Variants in TBC1D14 observed in about 807,000 individuals in gnomAD.
The protein encoded by TBC1D14 is TBC1 domain family, member 14.
TBC1D14 carries 26 observed loss-of-function variants against 79.0 expected under a neutral mutation model. The ratio of observed to expected loss-of-function variants is 0.33; its 90% CI spans 0.24 to 0.46. TBC1D14 has a LOEUF of 0.46. Ranked by LOEUF, TBC1D14 falls within the 20% of genes least tolerant of loss-of-function variation. The pLI, the probability that TBC1D14 is intolerant of heterozygous loss-of-function variation, is 1.00. For synonymous variants in TBC1D14, 394 were observed against 349.9 expected (o/e 1.13, Z -1.40); for missense variants, 769 against 887.6 (o/e 0.87, Z 1.70).
chr4:6,933,265 T>TC (rs1251689293), intron 2 of TBC1D14, among the ~76,000 whole-genome samples: 32 of 2,654 alleles, frequency 0.012, 1 homozygote, highest in Non-Finnish European at 0.018. Context: ...TCCCCTCCCC[T>TC]CCCTTCCCCT....
chr4:6,962,411 C>T (rs939968761), intron 2 of TBC1D14, among the ~76,000 whole-genome samples: 8 of 152,070 alleles, frequency 5.3e-5, no homozygotes, highest in South Asian at 2.1e-4. Context: ...GGTGGGGTTG[C>T]GGCAGCTGCA....
intron 11 of TBC1D14, among the ~76,000 whole-genome samples, chr4:7,014,130 A>G (rs971150641): frequency 2.0e-5 from 3 of 152,210 alleles, no homozygotes; most frequent in Admixed American, 6.5e-5. Flanking sequence ...GCAGCGGGAC[A>G]GGCACAAATT....
At chr4:6,982,172 G>A (rs2109101077) in intron 3 of TBC1D14, among the ~76,000 whole-genome samples, 1 of 152,286 alleles carries the variant, frequency 6.6e-6, no homozygotes, top group African/African-American at 2.4e-5. Flanking sequence ...ACAAAAATCT[G>A]TACATGTTTA....
chr4:7,014,788 T>C (rs1193688709), intron 12 of TBC1D14, among the ~76,000 whole-genome samples: 1 of 152,264 alleles, frequency 6.6e-6, no homozygotes, highest in African/African-American at 2.4e-5. Context: ...TCCAAAGTGC[T>C]GTCCATTCCT....
intron 1 of TBC1D14, among the ~76,000 whole-genome samples, chr4:6,911,753 C>G (rs183362027): frequency 2.0e-5 from 3 of 152,332 alleles, no homozygotes; most frequent in Admixed American, 2.0e-4. Flanking sequence ...CTAGTCAGAG[C>G]AGCTTGTTTG....
At chr4:7,029,589 G>A (rs943208370) in intron 13 of TBC1D14, among the ~76,000 whole-genome samples, 6 of 152,218 alleles carry the variant, frequency 3.9e-5, no homozygotes, top group Admixed American at 6.5e-5. Context: ...CACTTTGGGA[G>A]GCCAAGGCGG....
chr4:6,979,216 AAAC>A (rs1717133744), intron 3 of TBC1D14, among the ~76,000 whole-genome samples: 3 of 152,190 alleles, frequency 2.0e-5, no homozygotes. Flanking sequence ...AAAAAAGAGA[AAAC>A]AAATGAGATG....
intron 2 of TBC1D14, among the ~76,000 whole-genome samples, chr4:6,956,940 A>G (rs945918648): frequency 6.6e-6 from 1 of 152,210 alleles, no homozygotes; most frequent in African/African-American, 2.4e-5. Context: ...GCTTCCGGCT[A>G]CTTGGTTGTC....
intron 3 of TBC1D14, among the ~76,000 whole-genome samples, chr4:6,975,814 T>C (rs1489960815): frequency 6.6e-6 from 1 of 151,936 alleles, no homozygotes; most frequent in East Asian, 1.9e-4. Context: ...CAATCCAGGC[T>C]GGGAGTGGTG....
chr4:7,017,860 T>C (rs756245254), intron 12 of TBC1D14, among the ~76,000 whole-genome samples: 9 of 152,184 alleles, frequency 5.9e-5, no homozygotes, highest in Admixed American at 2.0e-4. Context: ...TCAGCATTTA[T>C]TGGTGGTCCG....
chr4:7,021,314 T>G (rs1371349832), intron 12 of TBC1D14, among the ~76,000 whole-genome samples: 1 of 152,240 alleles, frequency 6.6e-6, no homozygotes, highest in Non-Finnish European at 1.5e-5. Flanking sequence ...TATATCATTT[T>G]GGGCTGGGTG....
At chr4:6,918,237 C>T (rs747209127) in intron 1 of TBC1D14, among the ~76,000 whole-genome samples, 7 of 152,192 alleles carry the variant, frequency 4.6e-5, no homozygotes, top group Non-Finnish European at 1.0e-4. Flanking sequence ...CCTTGGATTG[C>T]CATGAATGAA....
At chr4:6,934,486 C>T (rs1712112072) in intron 2 of TBC1D14, among the ~76,000 whole-genome samples, 1 of 151,942 alleles carries the variant, frequency 6.6e-6, no homozygotes, top group African/African-American at 2.4e-5. Context: ...TGGTGAAACC[C>T]CATCACTACT....
intron 12 of TBC1D14, among the ~76,000 whole-genome samples, chr4:7,018,223 TATAAA>T (rs1560356857): frequency 6.6e-6 from 1 of 152,004 alleles, no homozygotes. Flanking sequence ...CCTGGCGGGG[TATAAA>T]GCATGCTAAG....
intron 2 of TBC1D14, among the ~76,000 whole-genome samples, chr4:6,925,391 G>A (rs1046101215): frequency 6.6e-6 from 1 of 152,208 alleles, no homozygotes; most frequent in Non-Finnish European, 1.5e-5. Context: ...CCGTGTGTGT[G>A]TCTCTAGCAG....
intron 3 of TBC1D14, among the ~76,000 whole-genome samples, chr4:6,977,679 CG>C (rs1560300643): frequency 4.4e-5 from 6 of 137,324 alleles, no homozygotes; most frequent in Non-Finnish European, 9.5e-5. Context: ...AAGTGAGGAG[CG>C]TCTCTGCCAG....
chr4:6,952,624 G>T (rs1714144479), intron 2 of TBC1D14, among the ~76,000 whole-genome samples: 1 of 152,176 alleles, frequency 6.6e-6, no homozygotes, highest in African/African-American at 2.4e-5. Context: ...TTCTCATCCT[G>T]TGCCTCTCAG....
At chr4:6,969,223 G>A (rs1715996748) in intron 3 of TBC1D14, among the ~76,000 whole-genome samples, 1 of 152,108 alleles carries the variant, frequency 6.6e-6, no homozygotes, top group Non-Finnish European at 1.5e-5. Flanking sequence ...ATTAAAGTAT[G>A]ATGAGTTTGT....
At chr4:7,020,425 T>A (rs1375152752) in intron 12 of TBC1D14, among the ~76,000 whole-genome samples, 1 of 152,184 alleles carries the variant, frequency 6.6e-6, no homozygotes, top group Non-Finnish European at 1.5e-5. Flanking sequence ...CTAATCTAAC[T>A]GTTGATGTTT....
Sources: allele counts gnomAD v4.1 joint callset (sites outside exome capture counted in the v4.1 genomes callset), GRCh38; gene constraint gnomAD v4.1.1; transcripts MANE v1.5; gene names NCBI Gene and HGNC (gene_info 2026-07-23, HGNC 2026-07-21).